KCNQ1: variants seen among roughly 807,000 people sequenced by gnomAD.
KCNQ1 encodes the protein potassium voltage-gated channel subfamily KQT member 1.
KCNQ1 carries 49 observed loss-of-function variants against 72.4 expected under a neutral mutation model. The observed-to-expected ratio is 0.68, with a 90% CI of 0.54 to 0.86. The LOEUF is 0.86. Among genes scored for constraint, KCNQ1 ranks in the 40% least tolerant of loss-of-function variants. The pLI is 0.00. For missense variants in KCNQ1, 790 were observed against 945.1 expected (o/e 0.84, Z 2.15); for synonymous variants, 450 against 412.6 (o/e 1.09, Z -1.10).
At position 2,671,472 on chromosome 11, in the gene KCNQ1, A is replaced by C; in HGVS notation, c.1514+9391A>C. On this transcript the variant is annotated intron_variant, in intron 11 of 15. Transcript: ENST00000155840. The surrounding 1 kb of genome is among the most constrained non-coding windows in gnomAD (Gnocchi z 4.7). ...AAGAGCAACCCAGCAGGGGATATAC[A>C]CAAAGATCTGAGAAAGGGATTATTT... 2.5e-6 allele frequency: 1 copy of C among 398,620 alleles called. No individual in the cohort carries two copies. Among genetic ancestry groups the C allele is most frequent in the East Asian group, 3.6e-5 (1 of 28,062 alleles). The allele number at this position is 398,620 out of a possible 1,614,324, so 24.7% of individuals were successfully genotyped here. A position where few individuals can be genotyped will look rare whatever the true frequency, so the allele number is the denominator to read the frequency against.
At position 2,548,745 on chromosome 11, in the gene KCNQ1, C is replaced by T. The variant is rs76921370; in HGVS notation, c.477+20727C>T. On this transcript the variant is annotated intron_variant, in intron 2 of 15. Transcript: ENST00000155840. Reference sequence around the variant, plus strand: ...TTGTGTGTTTATGCGTGTGCACACACGGTGTTGGGCTCTGGCGGTGGCCTG... The same window carrying T: ...TTGTGTGTTTATGCGTGTGCACACATGGTGTTGGGCTCTGGCGGTGGCCTG... Among the ~76,000 whole-genome samples, 281 of 152,336 alleles carry T rather than the reference C, an allele frequency of 1.8e-3. 6 individuals carry two copies. The East Asian group carries it at 0.044, about 24-fold the overall frequency.
chr11:2,513,967 C>T (rs1362253060), intron 1 of KCNQ1, among the ~76,000 whole-genome samples: 2 of 152,226 alleles, frequency 1.3e-5, no homozygotes, highest in African/African-American at 4.8e-5. Context: ...CATGCTGGCT[C>T]ACCCAGCTGC....
At chr11:2,648,380 T>G (rs1483977702) in intron 10 of KCNQ1, 6 of 398,520 alleles carry the variant, frequency 1.5e-5, no homozygotes, top group Non-Finnish European at 2.7e-5. Context: ...GTTTAAAAAC[T>G]TTCTACCTTA....
At chr11:2,834,149 G>A (rs1344794505) in intron 15 of KCNQ1, among the ~76,000 whole-genome samples, 1 of 152,218 alleles carries the variant, frequency 6.6e-6, no homozygotes, top group East Asian at 1.9e-4. Flanking sequence ...GCATGGTGGT[G>A]GCATGGTGGG....
rs777554147 is a variant in KCNQ1, at chr11:2,695,220, T to A, written c.1514+33139T>A. 5.0e-6 allele frequency: 2 copies of A among 398,634 alleles called. No homozygotes were observed. The highest frequency in any genetic ancestry group is 8.8e-5 in the Admixed American group (2 of 22,726). 24.7% of individuals were successfully genotyped at this position (398,634 alleles called of 1,614,324 possible). A position where few individuals can be genotyped will look rare whatever the true frequency, so the allele number is the denominator to read the frequency against. ...CACTGTCACCCTGTAAGGGTCTGCA[T>A]AAAGTCACCGCTCTCTTCCTCTCCA... On this transcript the variant is annotated intron_variant, in intron 11 of 15. Coordinates refer to ENST00000155840, the MANE Select transcript of KCNQ1 (RefSeq NM_000218.3). The surrounding 1 kb of genome is among the most constrained non-coding windows in gnomAD (Gnocchi z 5.2).
chr11:2,667,207 C>T (rs577855951), intron 11 of KCNQ1: 16 of 398,468 alleles, frequency 4.0e-5, no homozygotes, highest in Middle Eastern at 6.2e-4. Context: ...CCCCCCGTGG[C>T]CCCCTAACCT....
Position 2,814,623 on chromosome 11 carries a change from CAAGGAAGGAAGGAAGGAAGG to C in KCNQ1, c.1795-33127_1795-33108del, listed in dbSNP as rs3079081. 5.9e-4 allele frequency among the ~76,000 whole-genome samples: 84 copies of C among 142,546 alleles called. 1 individual carries two copies. The highest frequency in any genetic ancestry group is 1.9e-3 in the African/African-American group (72 of 38,470). 93.5% of individuals were successfully genotyped at this position (142,546 alleles called of 152,430 possible). On this transcript the variant is annotated intron_variant, in intron 15 of 15. Coordinates refer to ENST00000155840, the MANE Select transcript of KCNQ1 (RefSeq NM_000218.3). ...GGATGGGTAGATGGATGGAAGGAGA[CAAGGAAGGAAGGAAGGAAGG>C]AAGGAAGGAAGGAAGGGTGGAGGTA...
At chr11:2,841,732 C>T (rs1360263841) in intron 15 of KCNQ1, among the ~76,000 whole-genome samples, 3 of 152,174 alleles carry the variant, frequency 2.0e-5, no homozygotes, top group South Asian at 2.1e-4. Flanking sequence ...CGTGTGGTGA[C>T]GATCTTGAGA....
intron 15 of KCNQ1, among the ~76,000 whole-genome samples, chr11:2,819,266 T>A (rs1324626088): frequency 7.2e-5 from 11 of 152,144 alleles, no homozygotes; most frequent in African/African-American, 4.8e-5. Context: ...TGCCTGCCCA[T>A]GTGCTGAGGA....
chr11:2,822,839 T>C (rs1847765735), intron 15 of KCNQ1, among the ~76,000 whole-genome samples: 1 of 151,644 alleles, frequency 6.6e-6, no homozygotes, highest in East Asian at 1.9e-4. Flanking sequence ...TTCAGAACGG[T>C]GGCATAGGCC....
intron 6 of KCNQ1, among the ~76,000 whole-genome samples, chr11:2,574,619 C>T (rs1424680318): frequency 6.6e-6 from 1 of 152,202 alleles, no homozygotes; most frequent in East Asian, 1.9e-4. Context: ...TGAGAAGCCT[C>T]CCGGTGGCTC....
intron 11 of KCNQ1, among the ~76,000 whole-genome samples, chr11:2,740,254 G>A (rs1030430050): frequency 9.2e-5 from 14 of 152,186 alleles, no homozygotes; most frequent in Non-Finnish European, 1.6e-4. Context: ...GCTGCCCATC[G>A]ACGCTGCTGG....
Position 2,571,398 on chromosome 11 carries a change from C to T in KCNQ1, c.678C>T (p.Ala226=), listed in dbSNP as rs771489129. 6.2e-6 allele frequency: 10 copies of T among 1,611,000 alleles called. No homozygotes were observed. In the East Asian group the frequency reaches 1.1e-4, roughly 18 times the overall value. The stretch of plus-strand genomic sequence containing the variant: ...AGGGGCAGGTGTTTGCCACGTCGGC[C>T]ATCAGGTGCGTCTGTGCCACAAGCT... The part of the protein sequence containing the change: ...GSKGQVFATS[A]IRGIRFLQIL... Residue 226 remains alanine, a synonymous_variant, in exon 4 of 16, where the codon GCC becomes GCT. Coordinates refer to ENST00000155840, the MANE Select transcript of KCNQ1 (RefSeq NM_000218.3).
chr11:2,672,321 G>C, intron 11 of KCNQ1: 1 of 398,574 alleles, frequency 2.5e-6, no homozygotes, highest in East Asian at 3.6e-5. Flanking sequence ...GCTCAAGGGG[G>C]CCTGGTGTGG....
intron 15 of KCNQ1, among the ~76,000 whole-genome samples, chr11:2,798,402 A>G (rs150146250): frequency 4.9e-4 from 74 of 152,256 alleles, no homozygotes; most frequent in African/African-American, 1.7e-3. Context: ...AGCCGTTCCC[A>G]CAAAAGCCTT....
chr11:2,586,244 C>G (rs1423650516), intron 8 of KCNQ1, among the ~76,000 whole-genome samples: 1 of 152,228 alleles, frequency 6.6e-6, no homozygotes, highest in Non-Finnish European at 1.5e-5. Flanking sequence ...GGCGTCCCCC[C>G]TGCAGTCCTC....
intron 1 of KCNQ1, among the ~76,000 whole-genome samples, chr11:2,512,572 G>T (rs1477461826): frequency 6.6e-6 from 1 of 152,248 alleles, no homozygotes; most frequent in Non-Finnish European, 1.5e-5. Flanking sequence ...GTGTCCCGCA[G>T]TGGCTTCCGG....
At chr11:2,604,671 A>G (rs1183682687) in intron 10 of KCNQ1, among the ~76,000 whole-genome samples, 1 of 151,614 alleles carries the variant, frequency 6.6e-6, no homozygotes, top group East Asian at 2.0e-4. Context: ...CAGCCTCCCA[A>G]GTAGCTGGGA....
rs1357215793 is a variant in KCNQ1, at chr11:2,826,844, C to CA, written c.1795-20922dup. 1.3e-5 allele frequency among the ~76,000 whole-genome samples: 2 copies of CA among 152,232 alleles called. No homozygotes were observed. Among genetic ancestry groups the CA allele is most frequent in the Non-Finnish European group, 2.9e-5 (2 of 68,042 alleles). ...CTCACAGCCAGAGAGACACACAGGC[C>CA]AGCAGCCTGTAAACCACTGGGTGTG... On this transcript the variant is annotated intron_variant, in intron 15 of 15. Transcript: ENST00000155840. This position sits in a 1 kb window ranked among gnomAD's most constrained non-coding sequence, Gnocchi z 4.2.
Sources: gnomAD v4.1 joint callset for allele counts (sites outside exome capture counted in the v4.1 genomes callset) on GRCh38, gnomAD v4.1.1 for gene constraint, Gnocchi (gnomAD v3.1) non-coding constraint, MANE v1.5 for transcripts, NCBI Gene and HGNC (gene_info 2026-07-23, HGNC 2026-07-21) for gene names.